The following OSCP1 variants were observed in gnomAD, a reference collection of about 807,000 sequenced individuals.
The protein encoded by OSCP1 is protein OSCP1.
Under a neutral mutation model 45.1 loss-of-function variants are expected in OSCP1, and 35 were observed. The ratio of observed to expected loss-of-function variants is 0.78; its 90% confidence interval spans 0.59 to 1.03. OSCP1 has a LOEUF of 1.03. OSCP1 is among the 50% of genes least tolerant of loss of function. OSCP1 has a pLI of 0.00. For synonymous variants in OSCP1, 179 were observed against 180.1 expected (o/e 0.99, Z 0.05); for missense variants, 400 against 470.7 (o/e 0.85, Z 1.39).
Position 36,422,326 on chromosome 1 carries a change from T to C in OSCP1, c.750-107A>G. 4 of 1,012,158 alleles carry C rather than the reference T, an allele frequency of 4.0e-6. No homozygotes were observed. In the South Asian group the frequency reaches 4.0e-5, roughly 10 times the overall value. The allele number at this position is 1,012,158 out of a possible 1,614,324, so 62.7% of individuals were successfully genotyped here. ...TTTTATTCTGAGACATTAAATAGCA[T>C]CCAGAAAGGTGCTGTGGGTACAGAA... On this transcript the variant is annotated intron_variant, in intron 6 of 9. Transcript: ENST00000235532.
At position 36,420,676 on chromosome 1, in the gene OSCP1, C is replaced by A; in HGVS notation, c.820-61G>T. On this transcript the variant is annotated intron_variant, in intron 7 of 9. Transcript: ENST00000235532. ...AGGCAATCACATTTCCTGCTAAAAC[C>A]TCAGAGACACAGGTAGGTATTATAA... The A allele has an allele frequency of 1.9e-6, 3 of 1,587,514 alleles. No individual in the cohort carries two copies. The South Asian group carries it at 3.4e-5, about 18-fold the overall frequency.
intron 8 of OSCP1, among the ~76,000 whole-genome samples, chr1:36,420,134 C>A (rs773322338): frequency 1.3e-5 from 2 of 149,126 alleles, no homozygotes; most frequent in Non-Finnish European, 1.5e-5. Context: ...TGCCACCACA[C>A]CCAGCTAATT....
intron 2 of OSCP1, among the ~76,000 whole-genome samples, chr1:36,435,842 C>T (rs1411508750): frequency 1.3e-5 from 2 of 151,986 alleles, no homozygotes; most frequent in Non-Finnish European, 2.9e-5. Flanking sequence ...CCATGTTGGC[C>T]AGGATGGTCT....
intron 3 of OSCP1, among the ~76,000 whole-genome samples, chr1:36,432,156 C>T (rs1648407259): frequency 2.0e-5 from 3 of 152,200 alleles, no homozygotes; most frequent in Admixed American, 1.3e-4. Context: ...CATCCACCAC[C>T]AAGTCCCTTT....
chr1:36,428,771 C>T (rs1192466132), intron 4 of OSCP1, among the ~76,000 whole-genome samples: 9 of 152,002 alleles, frequency 5.9e-5, no homozygotes, highest in Non-Finnish European at 1.2e-4. Flanking sequence ...ATGGTGAAAC[C>T]CCATCTCTAC....
rs1035063279 is a variant in OSCP1 at position 36,432,456 on chromosome 1, T to A, written c.401A>T (p.Gln134Leu). 1 of 1,614,150 alleles carries A rather than the reference T, an allele frequency of 6.2e-7. No homozygotes were observed. Among genetic ancestry groups the A allele is most frequent in the Non-Finnish European group, 8.5e-7 (1 of 1,180,010 alleles). ...CTGCCGCAAAGTCTCGTCCACTTGC[T>A]GCAGGATGGTTGGGGAGTCTCGGAT... ...GFIRDSPTIL[Q>L]QVDETLRQLT... The change falls in exon 3 of 10, where the codon CAG becomes CTG. Residue 134 changes from glutamine (Q) to leucine (L), a missense_variant. Physicochemically the swap from Gln to Leu is moderately radical, Grantham distance 113 (BLOSUM62 -2). Transcript: ENST00000235532.
At chr1:36,441,779 TG>T (rs1649188707) in intron 1 of OSCP1, among the ~76,000 whole-genome samples, 1 of 151,270 alleles carries the variant, frequency 6.6e-6, no homozygotes. Flanking sequence ...AAAAGTAATT[TG>T]TTTTTTATTT....
Position 36,425,228 on chromosome 1 carries a change from A to AATGCAAAGCG in OSCP1, c.517-1772_517-1763dup, listed in dbSNP as rs1647893835. The stretch of plus-strand genomic sequence containing the variant: ...CATTTGTTGTGTGCAAGGCAGTGAA[A>AATGCAAAGCG]ATGCAAAGCGATAAGAATGTGTGAG... On this transcript the variant is annotated intron_variant, in intron 4 of 9. Transcript: ENST00000235532. 2.0e-5 allele frequency among the ~76,000 whole-genome samples: 3 copies of AATGCAAAGCG among 152,222 alleles called. No homozygotes were observed. The South Asian group carries it at 6.2e-4, about 32-fold the overall frequency.
intron 4 of OSCP1, among the ~76,000 whole-genome samples, chr1:36,427,280 G>T (rs1415962076): frequency 1.4e-5 from 2 of 141,772 alleles, no homozygotes; most frequent in Non-Finnish European, 3.0e-5. Context: ...GATTACAGGC[G>T]TGAGCCATGG....
chr1:36,432,669 A>C (rs777284853), intron 2 of OSCP1, 80 bp from the exon 3 acceptor site: 25 of 1,576,982 alleles, frequency 1.6e-5, no homozygotes, highest in Admixed American at 3.4e-5. Flanking sequence ...GATTCAGTCA[A>C]GCATTTACTG....
At chr1:36,435,923 C>T (rs1252688291) in intron 2 of OSCP1, among the ~76,000 whole-genome samples, 2 of 151,858 alleles carry the variant, frequency 1.3e-5, no homozygotes, top group African/African-American at 2.4e-5. Context: ...TGAGCCACCG[C>T]GCCTGGCCGA....
chr1:36,436,388 G>C (rs919417889), intron 2 of OSCP1, among the ~76,000 whole-genome samples: 1 of 152,048 alleles, frequency 6.6e-6, no homozygotes, highest in Non-Finnish European at 1.5e-5. Context: ...GGGATTACAG[G>C]CGTGAGCCAC....
intron 1 of OSCP1, among the ~76,000 whole-genome samples, chr1:36,445,535 C>T (rs1053148269): frequency 1.3e-5 from 2 of 152,166 alleles, no homozygotes; most frequent in South Asian, 2.1e-4. Flanking sequence ...ATGTCCTAAC[C>T]GGCTGCAAAG....
At chr1:36,432,280 A>G in intron 3 of OSCP1, 142 bp downstream of exon 3, 1 of 1,002,620 alleles carries the variant, frequency 1.0e-6, no homozygotes, top group Admixed American at 2.6e-5. Flanking sequence ...ATGGACACGG[A>G]TTGCTTTTCA....
At chr1:36,429,535 A>AGTTTTTTTTTT (rs1648210736) in intron 4 of OSCP1, among the ~76,000 whole-genome samples, 1 of 100,286 alleles carries the variant, frequency 1.0e-5, no homozygotes, top group African/African-American at 4.2e-5. Context: ...GAAGCTTAGA[A>AGTTTTTTTTTT]TTTTTTTTTT....
intron 1 of OSCP1, among the ~76,000 whole-genome samples, chr1:36,440,104 A>AT (rs1265405025): frequency 6.6e-6 from 1 of 152,230 alleles, no homozygotes; most frequent in Non-Finnish European, 1.5e-5. Context: ...ATGAGTGGTT[A>AT]TTATTGAAAT....
Position 36,450,429 on chromosome 1 carries a change from A to G in OSCP1, c.-60T>C. On this transcript the variant is annotated 5_prime_UTR_variant, in exon 1 of 10. Coordinates refer to ENST00000235532, the MANE Select transcript of OSCP1 (RefSeq NM_145047.5). ...CGGGGTTCGGTAGCCAGTGGCCTGA[A>G]GGCCAGGCCGCAGCGTCCCAATAGT... 7.1e-7 allele frequency: 1 copy of G among 1,402,704 alleles called. No individual in the cohort carries two copies. The highest frequency in any genetic ancestry group is 1.0e-6 in the Non-Finnish European group (1 of 992,838). 86.9% of individuals were successfully genotyped at this position (1,402,704 alleles called of 1,614,324 possible).
chr1:36,432,066 C>T (rs774173672), intron 3 of OSCP1, among the ~76,000 whole-genome samples, 184 bp from the exon 4 acceptor site: 112 of 152,130 alleles, frequency 7.4e-4, no homozygotes, highest in Non-Finnish European at 1.3e-3. Context: ...AGCCTGTTAC[C>T]CCACACCTGA....
chr1:36,450,306 C>G lies in OSCP1; in HGVS notation c.64G>C (p.Asp22His), dbSNP rs201190612. 3 of 1,613,568 alleles carry G rather than the reference C, an allele frequency of 1.9e-6. No individual in the cohort carries two copies. The highest frequency in any genetic ancestry group is 2.5e-6 in the Non-Finnish European group (3 of 1,179,940). The change falls in exon 1 of 10, where the codon GAC becomes CAC. Residue 22 changes from aspartate (D) to histidine (H), a missense_variant. Physicochemically the swap from Asp to His is moderately conservative, Grantham distance 81. Coordinates refer to ENST00000235532, the MANE Select transcript of OSCP1 (RefSeq NM_145047.5). ...NLGGEMLYIL[D>H]QRLRAQNIPG... ...ATGTTCTGGGCCCGCAGCCGTTGGT[C>G]GAGGATGTAAAGCATCTCCCCGCCC...
Sources: gnomAD v4.1 joint callset for allele counts (sites outside exome capture counted in the v4.1 genomes callset) on GRCh38, gnomAD v4.1.1 for gene constraint, MANE v1.5 for transcripts, NCBI Gene and HGNC (gene_info 2026-07-23, HGNC 2026-07-21) for gene names.